Variants in CELF2 observed in about 807,000 individuals in gnomAD.
CELF2 encodes the protein CUG triplet repeat RNA-binding protein 2.
Under a neutral mutation model 62.6 loss-of-function variants are expected in CELF2, and 8 were observed. The observed-to-expected ratio is 0.13, with a 90% CI of 0.07 to 0.23. CELF2 has a LOEUF of 0.23. Among genes scored for constraint, CELF2 ranks in the 10% least tolerant of loss-of-function variants. The probability of loss-of-function intolerance (pLI) is 1.00; values close to 1 mark genes in which losing one functional copy is unlikely to be tolerated. For missense variants in CELF2, 333 were observed against 671.0 expected (o/e 0.50, Z 5.56); for synonymous variants, 258 against 250.0 (o/e 1.03, Z -0.30).
chr10:10,800,386 T>C (rs1047467713), intron 1 of CELF2, among the ~76,000 whole-genome samples: 8 of 152,104 alleles, frequency 5.3e-5, no homozygotes, highest in African/African-American at 1.9e-4. Flanking sequence ...AGTTTCACTC[T>C]TGTTGCCCAG....
chr10:10,777,287 C>T, the CELF2 span, among the ~76,000 whole-genome samples: 1 of 152,188 alleles, frequency 6.6e-6, no homozygotes, highest in Non-Finnish European at 1.5e-5. Flanking sequence ...ATACTCTTGG[C>T]CCTGGTGCAT....
intron 1 of CELF2, among the ~76,000 whole-genome samples, chr10:10,814,557 C>G (rs1210765745): frequency 6.6e-6 from 1 of 152,196 alleles, no homozygotes; most frequent in Non-Finnish European, 1.5e-5. Flanking sequence ...ACTTCCAACA[C>G]GTGCCTCTTG....
intron 2 of CELF2, among the ~76,000 whole-genome samples, chr10:11,186,371 G>T (rs748309400): frequency 1.3e-5 from 2 of 149,412 alleles, no homozygotes; most frequent in Non-Finnish European, 1.5e-5. Flanking sequence ...CTTATTTGGG[G>T]TCTAACTTGC....
At chr10:10,500,549 C>G in the CELF2 span, among the ~76,000 whole-genome samples, 41 of 152,254 alleles carry the variant, frequency 2.7e-4, no homozygotes, top group South Asian at 4.1e-3. Flanking sequence ...CCATGTAAGA[C>G]ATGCCTTTTG....
the CELF2 span, among the ~76,000 whole-genome samples, chr10:10,774,924 G>C: frequency 6.6e-6 from 1 of 151,294 alleles, no homozygotes; most frequent in African/African-American, 2.4e-5. Context: ...TGTCACCCAG[G>C]CTGGAGTGCA....
intron 9 of CELF2, among the ~76,000 whole-genome samples, chr10:11,291,018 C>T (rs2092449287): frequency 6.6e-6 from 1 of 152,180 alleles, no homozygotes; most frequent in South Asian, 2.1e-4. Flanking sequence ...TTCATCAAGG[C>T]AGTTTCCTAG....
chr10:11,283,717 G>A (rs1373028901), intron 8 of CELF2, among the ~76,000 whole-genome samples: 2 of 151,902 alleles, frequency 1.3e-5, no homozygotes, highest in African/African-American at 4.8e-5. Context: ...ATGTCCTGGA[G>A]GGGGACTCCC....
chr10:10,947,276 T>C lies in CELF2; in HGVS notation c.89+27277T>C, dbSNP rs2047799731. The C allele has an allele frequency of 6.6e-6, 1 of 152,556 alleles. No homozygotes were observed. The highest frequency in any genetic ancestry group is 1.5e-5 in the Non-Finnish European group (1 of 68,050). 9.5% of individuals were successfully genotyped at this position (152,556 alleles called of 1,614,324 possible). On this transcript the variant is annotated intron_variant, in intron 2 of 13. Transcript: ENST00000636488. The surrounding 1 kb of genome is among the most constrained non-coding windows in gnomAD (Gnocchi z 4.1). ...CTTTCCATGCACAGTTGGAAGGACA[T>C]TTCTCTGGCCATCCTGAGCACATTT...
the CELF2 span, among the ~76,000 whole-genome samples, chr10:10,642,862 T>C: frequency 6.6e-6 from 1 of 152,178 alleles, no homozygotes; most frequent in Non-Finnish European, 1.5e-5. Context: ...GTGGAGGCTG[T>C]GTGTTGATAT....
intron 1 of CELF2, among the ~76,000 whole-genome samples, chr10:11,042,527 T>G (rs1025576575): frequency 6.6e-6 from 1 of 152,242 alleles, no homozygotes; most frequent in African/African-American, 2.4e-5. Flanking sequence ...TGTGCCTGAC[T>G]GTGGCTGTCT....
At chr10:11,055,599 A>G (rs188768374) in intron 1 of CELF2, among the ~76,000 whole-genome samples, 1 of 152,336 alleles carries the variant, frequency 6.6e-6, no homozygotes, top group Admixed American at 6.5e-5. Flanking sequence ...GGTTTTTAAG[A>G]TTCGTTCTAA....
intron 12 of CELF2, among the ~76,000 whole-genome samples, chr10:11,327,030 G>C (rs2095777062): frequency 6.6e-6 from 1 of 152,168 alleles, no homozygotes; most frequent in Non-Finnish European, 1.5e-5. Flanking sequence ...CACCCAGGAA[G>C]GTCTGAAGGC....
chr10:10,726,903 C>T, the CELF2 span, among the ~76,000 whole-genome samples: 8 of 152,222 alleles, frequency 5.3e-5, no homozygotes, highest in South Asian at 4.2e-4. Flanking sequence ...GTACAGAAAG[C>T]GTGGCTGAGG....
intron 1 of CELF2, among the ~76,000 whole-genome samples, chr10:10,870,192 A>G (rs2060648447): frequency 6.6e-6 from 1 of 152,276 alleles, no homozygotes; most frequent in South Asian, 2.1e-4. Context: ...ATTAAAGATT[A>G]TTTCAAGAAA....
chr10:10,543,256 A>G, the CELF2 span, among the ~76,000 whole-genome samples: 2 of 152,158 alleles, frequency 1.3e-5, no homozygotes, highest in Non-Finnish European at 2.9e-5. Flanking sequence ...AAGACTGGCC[A>G]AGGTTACAGC....
At chr10:11,137,527 C>T (rs530656788) in intron 1 of CELF2, among the ~76,000 whole-genome samples, 1 of 152,140 alleles carries the variant, frequency 6.6e-6, no homozygotes, top group South Asian at 2.1e-4. Flanking sequence ...ACTCAGTTTT[C>T]TCTTCTATAA....
At chr10:11,031,410 A>T (rs1276250180) in intron 1 of CELF2, among the ~76,000 whole-genome samples, 2 of 152,228 alleles carry the variant, frequency 1.3e-5, no homozygotes, top group Non-Finnish European at 2.9e-5. Flanking sequence ...TCAAGTGCAT[A>T]AACATTTGAT....
chr10:11,147,142 A>C (rs115506412), intron 1 of CELF2, among the ~76,000 whole-genome samples: 2 of 152,134 alleles, frequency 1.3e-5, no homozygotes, highest in African/African-American at 4.8e-5. Flanking sequence ...TCTCTGCTTG[A>C]GTGTGCCAGG....
At chr10:11,058,396 A>G (rs1013429664) in intron 1 of CELF2, among the ~76,000 whole-genome samples, 4 of 151,930 alleles carry the variant, frequency 2.6e-5, no homozygotes, top group East Asian at 1.9e-4. Context: ...GTTAAAGTAT[A>G]AAGTATTATT....
Sources: gnomAD v4.1 joint callset for allele counts (sites outside exome capture counted in the v4.1 genomes callset) on GRCh38, gnomAD v4.1.1 for gene constraint, Gnocchi (gnomAD v3.1) non-coding constraint, MANE v1.5 for transcripts, NCBI Gene and HGNC (gene_info 2026-07-23, HGNC 2026-07-21) for gene names.